PRKCA: variants seen among roughly 807,000 people sequenced by gnomAD.
The protein encoded by PRKCA is protein kinase C alpha.
Under a neutral mutation model 87.0 loss-of-function variants are expected in PRKCA, and 27 were observed. The ratio of observed to expected loss-of-function variants is 0.31; its 90% CI spans 0.23 to 0.43. The LOEUF is 0.43. PRKCA is among the 20% of genes least tolerant of loss of function. The probability of loss-of-function intolerance (pLI) is 1.00; values close to 1 mark genes in which losing one functional copy is unlikely to be tolerated. For synonymous variants in PRKCA, 329 were observed against 311.1 expected (o/e 1.06, Z -0.61); for missense variants, 518 against 852.3 (o/e 0.61, Z 4.88).
intron 3 of PRKCA, among the ~76,000 whole-genome samples, chr17:66,589,995 G>T (rs1184926886): frequency 6.6e-6 from 1 of 152,142 alleles, no homozygotes; most frequent in African/African-American, 2.4e-5. Flanking sequence ...TGATCTGACG[G>T]TAGGCAGAGC....
chr17:66,351,751 G>T (rs1020372809), intron 2 of PRKCA, among the ~76,000 whole-genome samples: 1 of 152,148 alleles, frequency 6.6e-6, no homozygotes, highest in Non-Finnish European at 1.5e-5. Flanking sequence ...AGTAGAATTT[G>T]TATAAGGATT....
At chr17:66,558,767 T>G (rs1175638277) in intron 3 of PRKCA, among the ~76,000 whole-genome samples, 1 of 152,024 alleles carries the variant, frequency 6.6e-6, no homozygotes, top group Non-Finnish European at 1.5e-5. Flanking sequence ...GTTGTTTTAG[T>G]CCAAGATGAT....
At chr17:66,771,133 G>A (rs545827737) in intron 13 of PRKCA, among the ~76,000 whole-genome samples, 1 of 151,916 alleles carries the variant, frequency 6.6e-6, no homozygotes, top group East Asian at 1.9e-4. Context: ...CTCCCGAGTA[G>A]CTGGGATTAC....
At chr17:66,320,267 C>A (rs1052580798) in intron 2 of PRKCA, among the ~76,000 whole-genome samples, 4 of 152,076 alleles carry the variant, frequency 2.6e-5, no homozygotes, top group Non-Finnish European at 5.9e-5. Context: ...AGTCTCCAGC[C>A]CCTACCTCCT....
At chr17:66,795,544 C>T (rs552313466) in intron 16 of PRKCA, among the ~76,000 whole-genome samples, 26 of 152,218 alleles carry the variant, frequency 1.7e-4, no homozygotes, top group African/African-American at 6.0e-4. Context: ...TTAATCATTA[C>T]TCTCTCAAAT....
chr17:66,789,772 A>T (rs1464392905), intron 16 of PRKCA, among the ~76,000 whole-genome samples: 1 of 152,210 alleles, frequency 6.6e-6, no homozygotes, highest in Admixed American at 6.5e-5. Context: ...CCATCGCTCC[A>T]TCTCAGCAAC....
chr17:66,474,773 G>A (rs1219379828), intron 2 of PRKCA, among the ~76,000 whole-genome samples: 1 of 152,170 alleles, frequency 6.6e-6, no homozygotes, highest in Non-Finnish European at 1.5e-5. Flanking sequence ...GGTAGTTTTA[G>A]GATTCAGGAT....
At chr17:66,545,353 CAA>C (rs1364093389) in intron 3 of PRKCA, among the ~76,000 whole-genome samples, 1 of 152,188 alleles carries the variant, frequency 6.6e-6, no homozygotes. Flanking sequence ...GGCGTGAACC[CAA>C]AAGGCGGAGC....
At chr17:66,777,681 C>T in intron 14 of PRKCA, 1 of 985,382 alleles carries the variant, frequency 1.0e-6, no homozygotes, top group Non-Finnish European at 1.2e-6. Flanking sequence ...CTTGAATGTT[C>T]AGCTCTTGAG....
intron 3 of PRKCA, among the ~76,000 whole-genome samples, chr17:66,554,996 A>C (rs540163626): frequency 2.0e-5 from 3 of 151,008 alleles, no homozygotes; most frequent in Non-Finnish European, 2.9e-5. Context: ...TCCTGCCTCA[A>C]CCTCCCGAGT....
intron 2 of PRKCA, among the ~76,000 whole-genome samples, chr17:66,405,333 A>G (rs1015964128): frequency 6.6e-6 from 1 of 152,214 alleles, no homozygotes; most frequent in African/African-American, 2.4e-5. Flanking sequence ...CATTTTATTG[A>G]AAATGGTGCA....
chr17:66,798,578 ATGG>A (rs1568041290), intron 16 of PRKCA, among the ~76,000 whole-genome samples: 6 of 1,110 alleles, frequency 5.4e-3, no homozygotes, highest in Non-Finnish European at 4.3e-3. Context: ...GGTGGTGGTG[ATGG>A]TGGTGGTGGT....
In PRKCA at chr17:66,808,445, T is replaced by A. The variant is rs895902891; in HGVS notation, c.*4408T>A. Reference sequence around the variant, plus strand: ...GACAGTCATTTTCTCACGTTGGTCTTCTAAAGTCACCTATTTCTTGTGTGT... The same window carrying A: ...GACAGTCATTTTCTCACGTTGGTCTACTAAAGTCACCTATTTCTTGTGTGT... On this transcript the variant is annotated 3_prime_UTR_variant, in exon 17 of 17. Coordinates refer to ENST00000413366, the MANE Select transcript of PRKCA (RefSeq NM_002737.3). 3 of 152,522 alleles carry A rather than the reference T, an allele frequency of 2.0e-5. No individual in the cohort carries two copies. Among genetic ancestry groups the A allele is most frequent in the African/African-American group, 7.2e-5 (3 of 41,416 alleles). 9.4% of individuals were successfully genotyped at this position (152,522 alleles called of 1,614,324 possible). A position where few individuals can be genotyped will look rare whatever the true frequency, so the allele number is the denominator to read the frequency against.
intron 8 of PRKCA, among the ~76,000 whole-genome samples, chr17:66,713,772 T>C (rs1567991237): frequency 6.6e-6 from 1 of 152,170 alleles, no homozygotes; most frequent in Non-Finnish European, 1.5e-5. Context: ...GAAAATAGAC[T>C]TGTCAACACT....
chr17:66,793,541 G>C (rs984918366), intron 16 of PRKCA, among the ~76,000 whole-genome samples: 1 of 125,200 alleles, frequency 8.0e-6, no homozygotes, highest in Non-Finnish European at 1.6e-5. Context: ...AGTGAGCCCA[G>C]ATTGCGTCAT....
Position 66,526,534 on chromosome 17 carries a change from CTT to C in PRKCA, c.288+30252_288+30253del, listed in dbSNP as rs1368105456. 2.0e-5 allele frequency among the ~76,000 whole-genome samples: 3 copies of C among 152,148 alleles called. No homozygotes were observed. In the East Asian group the frequency reaches 5.8e-4, roughly 29 times the overall value. On this transcript the variant is annotated intron_variant, in intron 3 of 16. Coordinates refer to ENST00000413366, the MANE Select transcript of PRKCA (RefSeq NM_002737.3). ...CTGGGGCAGCTAGCTTGGGTGTGCT[CTT>C]CCCAGGGCTAAGGGGGCAAGGCAAA...
intron 16 of PRKCA, among the ~76,000 whole-genome samples, chr17:66,794,401 G>A (rs760309736): frequency 3.6e-4 from 55 of 151,732 alleles, no homozygotes; most frequent in Non-Finnish European, 6.3e-4. Context: ...AGTGCCATTA[G>A]CTTGTTTAGA....
intron 3 of PRKCA, among the ~76,000 whole-genome samples, chr17:66,523,923 A>G (rs1020841451): frequency 1.3e-5 from 2 of 152,200 alleles, no homozygotes; most frequent in African/African-American, 4.8e-5. Context: ...AGTTGCTTAT[A>G]TTCAAAAGCT....
intron 3 of PRKCA, among the ~76,000 whole-genome samples, chr17:66,596,571 CTTT>C (rs10582567): frequency 0.16 from 18,759 of 113,718 alleles, 1,164 homozygotes; most frequent in Non-Finnish European, 0.19. Flanking sequence ...AATATTAAAC[CTTT>C]TTTTTTTTTT....
Sources: allele counts gnomAD v4.1 joint callset (sites outside exome capture counted in the v4.1 genomes callset), GRCh38; gene constraint gnomAD v4.1.1; transcripts MANE v1.5; gene names NCBI Gene and HGNC (gene_info 2026-07-23, HGNC 2026-07-21).